The following GFRA1 variants were observed in gnomAD, a reference collection of about 807,000 sequenced individuals.
GFRA1 encodes the protein GDNF family receptor alpha 1.
GFRA1 carries 16 observed loss-of-function variants against 51.6 expected under a neutral mutation model. The observed-to-expected ratio is 0.31, with a 90% CI of 0.21 to 0.47. The LOEUF (loss-of-function observed/expected upper bound fraction) is 0.47, where lower values mean the gene tolerates loss of function less well. Ranked by LOEUF, GFRA1 falls within the 20% of genes least tolerant of loss-of-function variation. The pLI is 1.00. For synonymous variants in GFRA1, 270 were observed against 241.3 expected, an observed-to-expected ratio of 1.12 and a Z score of -1.10; for missense variants, 530 against 594.3, an observed-to-expected ratio of 0.89 and a Z score of 1.13.
intron 5 of GFRA1, among the ~76,000 whole-genome samples, chr10:116,182,435 C>A (rs2134279451): frequency 6.6e-6 from 1 of 152,304 alleles, no homozygotes; most frequent in Non-Finnish European, 1.5e-5. Context: ...ATACCCCCAG[C>A]CCCCAGAAGT....
At position 116,111,515 on chromosome 10, in the gene GFRA1, C is replaced by T. The variant is rs567296505; in HGVS notation, c.770+13706G>A. On this transcript the variant is annotated intron_variant, in intron 6 of 10. Transcript: ENST00000355422. ...AGCTATGAATTCCTGGGCTGCGATG[C>T]GCCCTCTGTGCCCCATATCCGACCT... Among the ~76,000 whole-genome samples, 28 of 152,308 alleles carry T rather than the reference C, an allele frequency of 1.8e-4. No homozygotes were observed. The South Asian group carries it at 2.7e-3, about 15-fold the overall frequency.
At chr10:116,088,696 A>G (rs953010150) in intron 9 of GFRA1, among the ~76,000 whole-genome samples, 2 of 152,068 alleles carry the variant, frequency 1.3e-5, no homozygotes, top group African/African-American at 4.8e-5. Flanking sequence ...TGAGGCGGGC[A>G]GATCACAAGG....
chr10:116,211,178 C>CACTACATGTAGAGGTG (rs1374069387), intron 5 of GFRA1, among the ~76,000 whole-genome samples: 1 of 152,222 alleles, frequency 6.6e-6, no homozygotes, highest in African/African-American at 2.4e-5. Context: ...CAGCCATGGC[C>CACTACATGTAGAGGTG]TTGCCACACC....
At chr10:116,110,160 C>T (rs1300081119) in intron 6 of GFRA1, among the ~76,000 whole-genome samples, 1 of 152,194 alleles carries the variant, frequency 6.6e-6, no homozygotes, top group Non-Finnish European at 1.5e-5. Flanking sequence ...AATCCTCAGC[C>T]TGGGAACCTG....
At chr10:116,149,858 C>A (rs1346060416) in intron 5 of GFRA1, among the ~76,000 whole-genome samples, 4 of 152,118 alleles carry the variant, frequency 2.6e-5, no homozygotes, top group Admixed American at 2.6e-4. Context: ...TATTTTAAAG[C>A]TTGAAATCAG....
chr10:116,271,192 G>T, intron 2 of GFRA1, 77 bp from the exon 3 acceptor site: 1 of 1,320,190 alleles, frequency 7.6e-7, no homozygotes, highest in Non-Finnish European at 1.0e-6. Flanking sequence ...GAGGGCGCGC[G>T]CCCGGGTCAG....
At chr10:116,118,614 C>A (rs1185166262) in intron 6 of GFRA1, among the ~76,000 whole-genome samples, 1 of 152,188 alleles carries the variant, frequency 6.6e-6, no homozygotes, top group Non-Finnish European at 1.5e-5. Context: ...GAAATACAGG[C>A]TCTCTGTTTG....
At chr10:116,240,079 G>A (rs554494454) in intron 4 of GFRA1, among the ~76,000 whole-genome samples, 94 of 152,104 alleles carry the variant, frequency 6.2e-4, no homozygotes, top group Admixed American at 1.3e-3. Context: ...TTAAAAAAAC[G>A]GAAATCATTG....
chr10:116,108,629 C>T (rs547943089), intron 6 of GFRA1, among the ~76,000 whole-genome samples: 1 of 152,334 alleles, frequency 6.6e-6, no homozygotes, highest in African/African-American at 2.4e-5. Context: ...CACATCTCCT[C>T]CCAGCCGAGT....
At chr10:116,246,716 A>T (rs1410837439) in intron 4 of GFRA1, among the ~76,000 whole-genome samples, 1 of 152,236 alleles carries the variant, frequency 6.6e-6, no homozygotes, top group African/African-American at 2.4e-5. Flanking sequence ...AGTAAATTAA[A>T]GGATGACTAC....
chr10:116,152,754 G>T (rs1217646840), intron 5 of GFRA1, among the ~76,000 whole-genome samples: 2 of 152,206 alleles, frequency 1.3e-5, no homozygotes, highest in African/African-American at 4.8e-5. Flanking sequence ...TTGTTTTGAT[G>T]ATGTTTCAAA....
intron 5 of GFRA1, among the ~76,000 whole-genome samples, chr10:116,175,881 T>C (rs1176881769): frequency 6.6e-6 from 1 of 152,110 alleles, no homozygotes; most frequent in Non-Finnish European, 1.5e-5. Context: ...GACCTAAGCA[T>C]GAAGTCGAAA....
At chr10:116,196,248 G>A (rs1177172856) in intron 5 of GFRA1, among the ~76,000 whole-genome samples, 2 of 150,664 alleles carry the variant, frequency 1.3e-5, no homozygotes, top group African/African-American at 2.4e-5. Context: ...CCAGCACTTT[G>A]GGAGGCTGAG....
At position 116,125,298 on chromosome 10, in the gene GFRA1, A is replaced by C; in HGVS notation, c.693T>G (p.Pro231=). Residue 231 remains proline, a synonymous_variant, in exon 6 of 11, where the codon CCT becomes CCG. Transcript: ENST00000355422. ...TCTCCCTCTCTTCATAGGAGCACACAGGCACGATGGTCTGTCGCCTCCGCT... is the reference window on the plus strand; with the variant it reads ...TCTCCCTCTCTTCATAGGAGCACACCGGCACGATGGTCTGTCGCCTCCGCT... ...CTERRRQTIV[P]VCSYEEREKP... The C allele has an allele frequency of 6.2e-7, 1 of 1,614,248 alleles. No individual in the cohort carries two copies. Among genetic ancestry groups the C allele is most frequent in the Non-Finnish European group, 8.5e-7 (1 of 1,180,044 alleles).
At chr10:116,174,865 T>C (rs1375655820) in intron 5 of GFRA1, among the ~76,000 whole-genome samples, 2 of 152,170 alleles carry the variant, frequency 1.3e-5, no homozygotes, top group Admixed American at 6.5e-5. Flanking sequence ...AAATATAATA[T>C]AGAATTGGCT....
chr10:116,241,483 C>T (rs1967373046), intron 4 of GFRA1, among the ~76,000 whole-genome samples: 1 of 152,176 alleles, frequency 6.6e-6, no homozygotes. Context: ...TCTTCCTTCC[C>T]AACATGAGCA....
chr10:116,220,652 T>C (rs1367026046), intron 4 of GFRA1, among the ~76,000 whole-genome samples: 3 of 152,308 alleles, frequency 2.0e-5, no homozygotes, highest in Admixed American at 6.5e-5. Flanking sequence ...TTGATCATCA[T>C]GAAATGGGCC....
intron 5 of GFRA1, among the ~76,000 whole-genome samples, chr10:116,160,703 G>A (rs1167516266): frequency 2.0e-5 from 3 of 152,246 alleles, no homozygotes; most frequent in East Asian, 3.9e-4. Flanking sequence ...GGCAATATAC[G>A]TTTCACAAAA....
chr10:116,240,980 T>G, intron 4 of GFRA1, among the ~76,000 whole-genome samples: 1 of 152,182 alleles, frequency 6.6e-6, no homozygotes, highest in East Asian at 1.9e-4. Context: ...CTTGCAGAGT[T>G]GACATCTGAA....
Sources: allele counts gnomAD v4.1 joint callset (sites outside exome capture counted in the v4.1 genomes callset), GRCh38; gene constraint gnomAD v4.1.1; transcripts MANE v1.5; gene names NCBI Gene and HGNC (gene_info 2026-07-23, HGNC 2026-07-21).